Variants in CTNNA2 observed in about 807,000 individuals in gnomAD.
CTNNA2 encodes the protein catenin alpha 2.
Under a neutral mutation model 101.0 loss-of-function variants are expected in CTNNA2, and 42 were observed. That is an observed-to-expected ratio of 0.42 (90% CI 0.32 to 0.54). The LOEUF (loss-of-function observed/expected upper bound fraction) is 0.54, where lower values mean the gene tolerates loss of function less well. Ranked by LOEUF, CTNNA2 falls within the 20% of genes least tolerant of loss-of-function variation. CTNNA2 has a pLI of 0.14. For synonymous variants in CTNNA2, 450 were observed against 456.4 expected (o/e 0.99, Z 0.18); for missense variants, 871 against 1,223.1 (o/e 0.71, Z 4.29).
chr2:79,203,757 A>C (rs1674066889), intron 2 of CTNNA2, among the ~76,000 whole-genome samples: 1 of 152,188 alleles, frequency 6.6e-6, no homozygotes, highest in South Asian at 2.1e-4. Context: ...CTTAAATTAT[A>C]CTTTTGCCTT....
intron 7 of CTNNA2, among the ~76,000 whole-genome samples, chr2:80,368,289 G>A (rs969452155): frequency 2.6e-5 from 4 of 152,094 alleles, no homozygotes; most frequent in Admixed American, 6.6e-5. Context: ...ATGAAATAAG[G>A]CATTGAAAAG....
intron 7 of CTNNA2, among the ~76,000 whole-genome samples, chr2:80,224,725 T>C (rs1708773946): frequency 6.6e-6 from 1 of 152,176 alleles, no homozygotes; most frequent in South Asian, 2.1e-4. Context: ...ATTACAGGCA[T>C]GAGCCACTCG....
chr2:80,631,034 C>T (rs1448991717), intron 18 of CTNNA2, among the ~76,000 whole-genome samples: 4 of 152,152 alleles, frequency 2.6e-5, no homozygotes, highest in Admixed American at 2.0e-4. Context: ...AGAATTTTTC[C>T]TGGCATTTTT....
At position 79,522,339 on chromosome 2, in the gene CTNNA2, G is replaced by A. The variant is rs182034887; in HGVS notation, c.-6+9132G>A. 1.3e-4 allele frequency among the ~76,000 whole-genome samples: 20 copies of A among 152,208 alleles called. No homozygotes were observed. The East Asian group carries it at 1.9e-3, about 15-fold the overall frequency. Reference sequence around the variant, plus strand: ...TACAAATGCTTTCCTACAAGTTATCGAAACCACTGTTTTGAGGGGCACGGT... The same window carrying A: ...TACAAATGCTTTCCTACAAGTTATCAAAACCACTGTTTTGAGGGGCACGGT... On this transcript the variant is annotated intron_variant, in intron 1 of 18. Transcript: ENST00000402739.
At chr2:80,509,208 A>G (rs1051448034) in intron 9 of CTNNA2, among the ~76,000 whole-genome samples, 2 of 152,128 alleles carry the variant, frequency 1.3e-5, no homozygotes, top group Middle Eastern at 3.2e-3. Flanking sequence ...GAAGTTCTTT[A>G]TTTTCTTCAT....
chr2:80,522,320 G>A (rs1283122875), intron 9 of CTNNA2, among the ~76,000 whole-genome samples: 1 of 152,174 alleles, frequency 6.6e-6, no homozygotes, highest in Non-Finnish European at 1.5e-5. Flanking sequence ...GATGGGAGCT[G>A]TGATGTGTTT....
At chr2:79,279,146 T>G (rs978983413) in intron 2 of CTNNA2, among the ~76,000 whole-genome samples, 10 of 152,134 alleles carry the variant, frequency 6.6e-5, no homozygotes, top group Admixed American at 6.6e-4. Context: ...TCAGCTTTTA[T>G]TTTCTTTCCA....
intron 2 of CTNNA2, among the ~76,000 whole-genome samples, chr2:79,269,702 T>A (rs1419100495): frequency 6.6e-6 from 1 of 152,126 alleles, no homozygotes; most frequent in Non-Finnish European, 1.5e-5. Flanking sequence ...TAAATGCCCA[T>A]CTTCTGGGCT....
intron 2 of CTNNA2, among the ~76,000 whole-genome samples, chr2:79,279,521 T>C (rs1407494498): frequency 6.6e-6 from 1 of 152,114 alleles, no homozygotes; most frequent in Non-Finnish European, 1.5e-5. Flanking sequence ...ATGTAACAAA[T>C]GAGCTGCCAC....
intron 7 of CTNNA2, among the ~76,000 whole-genome samples, chr2:80,146,415 A>G (rs777849838): frequency 5.9e-5 from 9 of 152,062 alleles, no homozygotes; most frequent in African/African-American, 1.2e-4. Flanking sequence ...ACTCTCTCCA[A>G]CTTTCTGCTG....
intron 3 of CTNNA2, among the ~76,000 whole-genome samples, chr2:79,360,282 G>C (rs1677598387): frequency 6.6e-6 from 1 of 152,178 alleles, no homozygotes; most frequent in Admixed American, 6.5e-5. Flanking sequence ...GAAAGAGACT[G>C]ATCAAGAAGT....
intron 7 of CTNNA2, among the ~76,000 whole-genome samples, chr2:80,048,268 A>C (rs1696656494): frequency 6.6e-6 from 1 of 152,212 alleles, no homozygotes; most frequent in Admixed American, 6.5e-5. Flanking sequence ...TGAAAATTAA[A>C]TTTAATTGAG....
chr2:80,305,018 C>T (rs1395727976), intron 7 of CTNNA2: 2 of 970,114 alleles, frequency 2.1e-6, no homozygotes, highest in African/African-American at 3.5e-5. Context: ...GTGCTCTCCC[C>T]CTTGCCTTTT....
intron 9 of CTNNA2, among the ~76,000 whole-genome samples, chr2:80,424,788 T>C (rs1181584396): frequency 6.6e-6 from 1 of 152,204 alleles, no homozygotes; most frequent in Non-Finnish European, 1.5e-5. Context: ...TTGCCTTGCT[T>C]TTTGGATGGT....
At chr2:79,508,935 T>A (rs771046150), upstream of CTNNA2, among the ~76,000 whole-genome samples, 93 of 139,352 alleles carry the variant, frequency 6.7e-4, no homozygotes, top group Admixed American at 1.7e-3. Context: ...TGAAAACATA[T>A]ATATATATTC....
chr2:80,291,526 A>C (rs1675239225), intron 7 of CTNNA2, among the ~76,000 whole-genome samples: 1 of 152,218 alleles, frequency 6.6e-6, no homozygotes, highest in South Asian at 2.1e-4. Flanking sequence ...AGCAGCATCC[A>C]ACTATGGCTG....
At chr2:80,397,416 A>G (rs573242880) in intron 8 of CTNNA2, among the ~76,000 whole-genome samples, 6 of 152,178 alleles carry the variant, frequency 3.9e-5, no homozygotes, top group Middle Eastern at 3.4e-3. Flanking sequence ...CTGTTTCCCT[A>G]CCCATTCATC....
At chr2:80,245,306 C>T (rs2149097104) in intron 7 of CTNNA2, among the ~76,000 whole-genome samples, 1 of 152,252 alleles carries the variant, frequency 6.6e-6, no homozygotes, top group East Asian at 1.9e-4. Context: ...TGATTTAGGG[C>T]ATATTCCTAA....
intron 7 of CTNNA2, among the ~76,000 whole-genome samples, chr2:80,026,575 T>A (rs1212976215): frequency 6.6e-6 from 1 of 152,122 alleles, no homozygotes; most frequent in African/African-American, 2.4e-5. Context: ...CAGACAGAAA[T>A]GAGTCATTTT....
Sources: gnomAD v4.1 joint callset for allele counts (sites outside exome capture counted in the v4.1 genomes callset) on GRCh38, gnomAD v4.1.1 for gene constraint, MANE v1.5 for transcripts, NCBI Gene and HGNC (gene_info 2026-07-23, HGNC 2026-07-21) for gene names.